Variants in LMAN2L observed in about 807,000 individuals in gnomAD.
LMAN2L encodes the protein VIP36-like protein.
LMAN2L carries 30 observed loss-of-function variants against 44.3 expected under a neutral mutation model. The observed-to-expected ratio is 0.68, with a 90% CI of 0.51 to 0.92. LMAN2L has a LOEUF of 0.92. Ranked by LOEUF, LMAN2L falls within the 40% of genes least tolerant of loss-of-function variation. LMAN2L has a pLI of 0.00. For synonymous variants in LMAN2L, 183 were observed against 171.1 expected, an observed-to-expected ratio of 1.07 and a Z score of -0.54; for missense variants, 429 against 446.1, an observed-to-expected ratio of 0.96 and a Z score of 0.35.
chr2:96,711,640 G>A lies in LMAN2L; in HGVS notation c.784+16C>T, dbSNP rs1354471039. 6.4e-7 allele frequency: 1 copy of A among 1,566,496 alleles called. No homozygotes were observed. Among genetic ancestry groups the A allele is most frequent in the African/African-American group, 1.4e-5 (1 of 73,924 alleles). ...AGGCCTCAGTCAGGGCAAACCAAGA[G>A]TGCGCGTGGCAGTACCTGAGAGATC... On this transcript the variant is annotated intron_variant, in intron 6 of 7. Transcript: ENST00000264963.
chr2:96,729,443 A>G (rs1268393507), intron 4 of LMAN2L, among the ~76,000 whole-genome samples: 1 of 152,148 alleles, frequency 6.6e-6, no homozygotes, highest in Non-Finnish European at 1.5e-5. Flanking sequence ...GGATTAAGAC[A>G]ATATTTGCAA....
rs1167885975 is a variant in LMAN2L, at chr2:96,739,679, T to C, written c.187+175A>G. On this transcript the variant is annotated intron_variant, in intron 1 of 7. Transcript: ENST00000264963. The stretch of plus-strand genomic sequence containing the variant: ...ACTTCCAGAGCTTGGCAGGCACACC[T>C]AACTCCTGCCTTTCAGACCTGTGGC... Among the ~76,000 whole-genome samples the C allele has an allele frequency of 2.0e-5, 3 of 152,132 alleles. No homozygotes were observed. In the East Asian group the frequency reaches 5.8e-4, roughly 29 times the overall value.
chr2:96,728,614 G>A (rs1049218376), intron 4 of LMAN2L, among the ~76,000 whole-genome samples: 5 of 152,030 alleles, frequency 3.3e-5, no homozygotes, highest in East Asian at 1.9e-4. Context: ...AGGCCGAGGC[G>A]GGTAGATTAC....
chr2:96,713,267 C>T, intron 4 of LMAN2L: 7 of 753,894 alleles, frequency 9.3e-6, no homozygotes, highest in Non-Finnish European at 1.5e-5. Context: ...AACTTAAATC[C>T]CCAAACAGAA....
rs556720495 is a variant in LMAN2L, at chr2:96,711,717, G to A, written c.723C>T (p.Pro241=). ...AGTAGCCGCGGGGCAGGCGGACTCC[G>A]GGCACTTCAATGCAGTCCCTCCACT... The part of the protein sequence containing the change: ...KHEWRDCIEV[P]GVRLPRGYYF... The change falls in exon 6 of 8, where the codon CCC becomes CCT. Residue 241 remains proline, a synonymous_variant. Transcript: ENST00000264963. The A allele has an allele frequency of 2.2e-5, 35 of 1,613,950 alleles. No individual in the cohort carries two copies. Among genetic ancestry groups the A allele is most frequent in the East Asian group, 1.1e-4 (5 of 44,886 alleles).
rs2077794626 is a variant in LMAN2L, at chr2:96,706,905, T to C, written c.*351A>G. ...GATTCAAAACTGAAGTAGAAGGGCC[T>C]TCTGAGTCAAACAACACGGCAGCCT... On this transcript the variant is annotated 3_prime_UTR_variant, in exon 8 of 8. Coordinates refer to ENST00000264963, the MANE Select transcript of LMAN2L (RefSeq NM_030805.4). 6.0e-6 allele frequency: 1 copy of C among 166,638 alleles called. No homozygotes were observed. Among genetic ancestry groups the C allele is most frequent in the Admixed American group, 6.3e-5 (1 of 15,852 alleles). The allele number at this position is 166,638 out of a possible 1,614,324, so 10.3% of individuals were successfully genotyped here.
intron 4 of LMAN2L, among the ~76,000 whole-genome samples, chr2:96,727,757 G>C (rs1333084755): frequency 3.3e-5 from 5 of 152,324 alleles, no homozygotes; most frequent in Non-Finnish European, 7.4e-5. Context: ...CCTCCTACCT[G>C]CTCCTTGTCT....
chr2:96,732,427 C>T (rs1027109864), intron 4 of LMAN2L, among the ~76,000 whole-genome samples: 5 of 151,710 alleles, frequency 3.3e-5, no homozygotes, highest in East Asian at 2.0e-4. Flanking sequence ...AGGCGGATCA[C>T]GAGGTCAGGG....
chr2:96,709,348 T>G (rs1364345800), intron 6 of LMAN2L, among the ~76,000 whole-genome samples: 1 of 152,206 alleles, frequency 6.6e-6, no homozygotes, highest in African/African-American at 2.4e-5. Flanking sequence ...TTCTGGGAAG[T>G]TCCAACTTAT....
chr2:96,735,627 AG>A (rs993357349), intron 2 of LMAN2L, among the ~76,000 whole-genome samples: 12 of 152,150 alleles, frequency 7.9e-5, no homozygotes, highest in African/African-American at 2.9e-4. Context: ...TCACAAGGTC[AG>A]GAGATCGAGA....
Position 96,707,787 on chromosome 2 carries a change from C to T in LMAN2L, c.831G>A (p.Glu277=). Residue 277 remains glutamate, a synonymous_variant, in exon 7 of 8, where the codon GAG becomes GAA. Coordinates refer to ENST00000264963, the MANE Select transcript of LMAN2L (RefSeq NM_030805.4). ...ISLKLFELTV[E]RTPEEEKLHR... ...GGAGCTTTTCCTCTTCTGGGGTTCTCTCCACTGTCAGTTCAAACAACTTCA... is the reference window on the plus strand; with the variant it reads ...GGAGCTTTTCCTCTTCTGGGGTTCTTTCCACTGTCAGTTCAAACAACTTCA... 3 of 1,613,942 alleles carry T rather than the reference C, an allele frequency of 1.9e-6. No individual in the cohort carries two copies. Among genetic ancestry groups the T allele is most frequent in the Non-Finnish European group, 2.5e-6 (3 of 1,179,820 alleles).
At chr2:96,730,500 C>T (rs1409241987) in intron 4 of LMAN2L, among the ~76,000 whole-genome samples, 8 of 152,070 alleles carry the variant, frequency 5.3e-5, no homozygotes, top group Non-Finnish European at 1.2e-4. Context: ...AAGCAGATGC[C>T]AGTCAGTCTC....
rs1409834064 is a variant in LMAN2L at position 96,711,729 on chromosome 2, G to A, written c.711C>T (p.Cys237=). The change falls in exon 6 of 8, where the codon TGC becomes TGT. Residue 237 remains cysteine (C), a synonymous_variant. Transcript: ENST00000264963. ...GCAGGCGGACTCCGGGCACTTCAAT[G>A]CAGTCCCTCCACTCATGCTTGCCAT... is the stretch of plus-strand genomic sequence containing the variant. The part of the protein sequence containing the change: ...DIDGKHEWRD[C]IEVPGVRLPR... 1 of 1,614,026 alleles carries A rather than the reference G, an allele frequency of 6.2e-7. No individual in the cohort carries two copies. Among genetic ancestry groups the A allele is most frequent in the Non-Finnish European group, 8.5e-7 (1 of 1,179,990 alleles).
rs533456060 is a variant in LMAN2L at position 96,724,737 on chromosome 2, C to T, written c.507+8782G>A. 6.6e-5 allele frequency among the ~76,000 whole-genome samples: 10 copies of T among 152,332 alleles called. No homozygotes were observed. In the South Asian group the frequency reaches 2.1e-3, roughly 32 times the overall value. On this transcript the variant is annotated intron_variant, in intron 4 of 7. Coordinates refer to ENST00000264963, the MANE Select transcript of LMAN2L (RefSeq NM_030805.4). ...TCTCAGCTCACTGTAGCCTCCGCCT[C>T]CCAGGTTCAAGCAATTCTCCTGCCT...
In LMAN2L at chr2:96,721,921, G is replaced by A. The variant is rs142793511; in HGVS notation, c.508-9896C>T. 1.9e-3 allele frequency among the ~76,000 whole-genome samples: 282 copies of A among 152,182 alleles called. 2 individuals carry two copies. The highest frequency in any genetic ancestry group is 4.8e-3 in the African/African-American group (201 of 41,518). On this transcript the variant is annotated intron_variant, in intron 4 of 7. Transcript: ENST00000264963. ...TTTTCCATGAACCGGGGAGTTGGAGGGGGGGTGGTTTCGGGATGATTCAAG... is the reference window on the plus strand; with the variant it reads ...TTTTCCATGAACCGGGGAGTTGGAGAGGGGGTGGTTTCGGGATGATTCAAG...
At position 96,734,398 on chromosome 2, in the gene LMAN2L, G is replaced by C; in HGVS notation, c.424+11C>G. On this transcript the variant is annotated intron_variant, in intron 3 of 7. Transcript: ENST00000264963. The stretch of plus-strand genomic sequence containing the variant: ...TCACACCCACACAAGAGTAACACAG[G>C]CTCCCAATACCTGGCTGCATCCGAT... 1 of 1,512,604 alleles carries C rather than the reference G, an allele frequency of 6.6e-7. No individual in the cohort carries two copies. Among genetic ancestry groups the C allele is most frequent in the South Asian group, 1.1e-5 (1 of 89,070 alleles). The allele number at this position is 1,512,604 out of a possible 1,614,324, so 93.7% of individuals were successfully genotyped here.
At chr2:96,738,213 T>C (rs2078557226) in intron 1 of LMAN2L, 146 bp from the exon 2 acceptor site, 3 of 622,490 alleles carry the variant, frequency 4.8e-6, no homozygotes, top group Non-Finnish European at 8.5e-6. Flanking sequence ...TCATGAATCT[T>C]ACCATCTCTA....
intron 4 of LMAN2L, among the ~76,000 whole-genome samples, chr2:96,718,791 C>T (rs1313096030): frequency 6.6e-6 from 1 of 152,156 alleles, no homozygotes; most frequent in African/African-American, 2.4e-5. Context: ...GGCCCTTGCT[C>T]TGTAAGCCCC....
At chr2:96,721,654 GTT>G (rs2078158748) in intron 4 of LMAN2L, among the ~76,000 whole-genome samples, 1 of 150,814 alleles carries the variant, frequency 6.6e-6, no homozygotes, top group Non-Finnish European at 1.5e-5. Flanking sequence ...AATTTTTTTT[GTT>G]TTTTGTAAAG....
Sources: gnomAD v4.1 joint callset for allele counts (sites outside exome capture counted in the v4.1 genomes callset) on GRCh38, gnomAD v4.1.1 for gene constraint, MANE v1.5 for transcripts, NCBI Gene and HGNC (gene_info 2026-07-23, HGNC 2026-07-21) for gene names.